CRYBG1: variants seen among roughly 807,000 people sequenced by gnomAD.
CRYBG1 encodes the protein crystallin beta-gamma domain containing 1.
CRYBG1 carries 139 observed loss-of-function variants against 189.2 expected under a neutral mutation model. The ratio of observed to expected loss-of-function variants is 0.73; its 90% CI spans 0.64 to 0.85. CRYBG1 has a LOEUF of 0.85. Among genes scored for constraint, CRYBG1 ranks in the 40% least tolerant of loss-of-function variants. The pLI is 0.00. For synonymous variants in CRYBG1, 1,023 were observed against 1,017.1 expected, an observed-to-expected ratio of 1.01 and a Z score of -0.11; for missense variants, 2,611 against 2,675.8, an observed-to-expected ratio of 0.98 and a Z score of 0.53.
Position 106,561,475 on chromosome 6 carries a change from A to G in CRYBG1, c.6113A>G (p.Tyr2038Cys). The change falls in exon 20 of 22, where the codon TAT (tyrosine) becomes TGT (cysteine). Residue 2038 changes from tyrosine (Y) to cysteine (C), a missense_variant. Coordinates refer to ENST00000633556, the MANE Select transcript of CRYBG1 (RefSeq NM_001371242.2). Reference protein sequence around the residue: ...DVGADDQIWIYQEGCIKCRIA... With the variant: ...DVGADDQIWICQEGCIKCRIA... ...GGGGCCGATGATCAGATTTGGATCTATCAAGAAGGATGTATCAAATGCAGG... is the reference window on the plus strand; with the variant it reads ...GGGGCCGATGATCAGATTTGGATCTGTCAAGAAGGATGTATCAAATGCAGG... 6.2e-7 allele frequency: 1 copy of G among 1,613,320 alleles called. No homozygotes were observed. The highest frequency in any genetic ancestry group is 1.1e-5 in the South Asian group (1 of 90,992).
chr6:106,520,567 G>T lies in CRYBG1; in HGVS notation c.3359G>T (p.Cys1120Phe), dbSNP rs1185715629. 6.2e-7 allele frequency: 1 copy of T among 1,614,080 alleles called. No homozygotes were observed. Among genetic ancestry groups the T allele is most frequent in the Non-Finnish European group, 8.5e-7 (1 of 1,179,964 alleles). ...EIIKQMDSAV[C>F]MPMKRKKARM... Reference sequence around the variant, plus strand: ...ATAAAACAGATGGATAGCGCAGTTTGTATGCCCATGAAAAGAAAGAAGGCC... The same window carrying T: ...ATAAAACAGATGGATAGCGCAGTTTTTATGCCCATGAAAAGAAAGAAGGCC... Residue 1120 changes from cysteine to phenylalanine, a missense_variant, in exon 4 of 22, where the codon TGT (cysteine) becomes TTT (phenylalanine). Physicochemically the swap from Cys to Phe is radical, Grantham distance 205. Coordinates refer to ENST00000633556, the MANE Select transcript of CRYBG1 (RefSeq NM_001371242.2).
intron 3 of CRYBG1, among the ~76,000 whole-genome samples, chr6:106,517,483 TACAC>T (rs200726087): frequency 0.02 from 2,886 of 145,102 alleles, 139 homozygotes; most frequent in East Asian, 0.17. Flanking sequence ...CATATATATA[TACAC>T]ACACACACAC....
In CRYBG1 at chr6:106,401,406, A is replaced by AT. The variant is rs1554232226; in HGVS notation, c.173+40329dup. On this transcript the variant is annotated intron_variant, in intron 1 of 21. Transcript: ENST00000633556. ...TGAATGATTCTTTTTTTTTTTTTTA[A>AT]TTTTCTTTTTTTATTATACTCTAAG... Among the ~76,000 whole-genome samples, 78 of 64,454 alleles carry AT rather than the reference A, an allele frequency of 1.2e-3. 2 individuals are homozygous for AT. In the South Asian group the frequency reaches 0.05, roughly 42 times the overall value. 42.3% of individuals were successfully genotyped at this position (64,454 alleles called of 152,430 possible).
intron 21 of CRYBG1, among the ~76,000 whole-genome samples, chr6:106,564,719 G>A (rs1276105319): frequency 6.6e-6 from 1 of 152,148 alleles, no homozygotes; most frequent in Admixed American, 6.5e-5. Flanking sequence ...ACATAAGAAT[G>A]ACCTAACCTC....
intron 1 of CRYBG1, among the ~76,000 whole-genome samples, chr6:106,404,836 C>T (rs1364340187): frequency 1.3e-5 from 2 of 152,148 alleles, no homozygotes; most frequent in African/African-American, 2.4e-5. Context: ...CTGTGAGGAA[C>T]GGTGCACTCT....
intron 1 of CRYBG1, among the ~76,000 whole-genome samples, chr6:106,421,029 G>A (rs1771112542): frequency 6.6e-6 from 1 of 152,146 alleles, no homozygotes; most frequent in Non-Finnish European, 1.5e-5. Flanking sequence ...TCCTGCGATT[G>A]TGGGGAGGAT....
At chr6:106,383,003 T>G (rs1377714603) in intron 1 of CRYBG1, among the ~76,000 whole-genome samples, 3 of 152,214 alleles carry the variant, frequency 2.0e-5, no homozygotes, top group African/African-American at 7.2e-5. Context: ...CTGCAATTTT[T>G]TGTGTGTGTC....
At chr6:106,403,868 T>G (rs1770769094) in intron 1 of CRYBG1, among the ~76,000 whole-genome samples, 1 of 152,204 alleles carries the variant, frequency 6.6e-6, no homozygotes, top group South Asian at 2.1e-4. Flanking sequence ...CAAAACATGG[T>G]AGCTTAAAAA....
intron 1 of CRYBG1, among the ~76,000 whole-genome samples, chr6:106,445,714 A>T (rs1298843283): frequency 6.6e-6 from 1 of 152,226 alleles, no homozygotes; most frequent in Non-Finnish European, 1.5e-5. Flanking sequence ...AGAAGTAACT[A>T]GCTCAAGATC....
Position 106,569,356 on chromosome 6 carries a change from G to A in CRYBG1, c.*790G>A, listed in dbSNP as rs1412419851. On this transcript the variant is annotated 3_prime_UTR_variant, in exon 22 of 22. Transcript: ENST00000633556. ...CCACCTCAGCCTCCCAAGTAGCTGG[G>A]ACTATAGGCACACATCACCAAGCCC... 6.6e-6 allele frequency: 1 copy of A among 151,944 alleles called. No individual in the cohort carries two copies. The highest frequency in any genetic ancestry group is 1.5e-5 in the Non-Finnish European group (1 of 68,022). 9.4% of individuals were successfully genotyped at this position (151,944 alleles called of 1,614,324 possible).
intron 2 of CRYBG1, among the ~76,000 whole-genome samples, chr6:106,486,700 T>C (rs1772597926): frequency 6.6e-6 from 1 of 152,196 alleles, no homozygotes; most frequent in South Asian, 2.1e-4. Context: ...TTCACAGTTT[T>C]TGACTTAAAG....
chr6:106,515,384 C>T (rs970968599), intron 3 of CRYBG1, among the ~76,000 whole-genome samples: 3 of 152,178 alleles, frequency 2.0e-5, no homozygotes, highest in Non-Finnish European at 4.4e-5. Context: ...TTCTGATCTT[C>T]GTGTAAATCT....
chr6:106,520,295 C>T lies in CRYBG1; in HGVS notation c.3087C>T (p.Val1029=), dbSNP rs765033889. 4.3e-6 allele frequency: 7 copies of T among 1,614,060 alleles called. No homozygotes were observed. In the Admixed American group the frequency reaches 8.3e-5, roughly 19 times the overall value. ...AELAAKSGPQ[V]IPPASEKTLP... ...TCGCGGCAAAATCTGGCCCACAAGT[C>T]ATACCGCCAGCATCAGAGAAAACTC... is the stretch of plus-strand genomic sequence containing the variant. The change falls in exon 4 of 22, where the codon GTC becomes GTT. Residue 1029 remains valine, a synonymous_variant. Transcript: ENST00000633556.
chr6:106,545,620 C>G (rs1346058283), intron 13 of CRYBG1, among the ~76,000 whole-genome samples: 1 of 151,772 alleles, frequency 6.6e-6, no homozygotes, highest in Admixed American at 6.5e-5. Flanking sequence ...TCTGTGTTAA[C>G]TTGACTTTAG....
At chr6:106,483,378 G>GTGTGTGTATATATATA (rs1347885031) in intron 2 of CRYBG1, among the ~76,000 whole-genome samples, 3 of 113,810 alleles carry the variant, frequency 2.6e-5, no homozygotes, top group African/African-American at 8.1e-5. Context: ...GTGTGTGTGT[G>GTGTGTGTATATATATA]TATATATATA....
At chr6:106,409,253 G>A (rs1770880670) in intron 1 of CRYBG1, among the ~76,000 whole-genome samples, 1 of 152,160 alleles carries the variant, frequency 6.6e-6, no homozygotes, top group Non-Finnish European at 1.5e-5. Context: ...GCCAGATCAT[G>A]AGTGAACTCA....
intron 1 of CRYBG1, among the ~76,000 whole-genome samples, chr6:106,447,402 T>C (rs1291749160): frequency 6.6e-6 from 1 of 152,110 alleles, no homozygotes; most frequent in East Asian, 1.9e-4. Context: ...ATAGTGATAA[T>C]AATGTAATTG....
At chr6:106,555,132 T>G (rs1251114379) in intron 16 of CRYBG1, among the ~76,000 whole-genome samples, 1 of 147,314 alleles carries the variant, frequency 6.8e-6, no homozygotes, top group Non-Finnish European at 1.5e-5. Flanking sequence ...GCCACTGCAC[T>G]CCAGCCTGTG....
intron 1 of CRYBG1, among the ~76,000 whole-genome samples, chr6:106,413,428 G>A (rs141234149): frequency 2.6e-3 from 401 of 152,300 alleles, no homozygotes; most frequent in Non-Finnish European, 4.7e-3. Flanking sequence ...TGTAATCCCA[G>A]CACTTTGAGA....
Sources: gnomAD v4.1 joint callset for allele counts (sites outside exome capture counted in the v4.1 genomes callset) on GRCh38, gnomAD v4.1.1 for gene constraint, MANE v1.5 for transcripts, NCBI Gene and HGNC (gene_info 2026-07-23, HGNC 2026-07-21) for gene names.